PLBD2: variants seen among roughly 807,000 people sequenced by gnomAD.
The protein encoded by PLBD2 is phospholipase B domain containing 2.
In PLBD2, 51 loss-of-function variants were observed where a neutral mutation model predicts 68.3. That is an observed-to-expected ratio of 0.75 (90% confidence interval 0.60 to 0.94). The LOEUF (loss-of-function observed/expected upper bound fraction) is 0.94, where lower values mean the gene tolerates loss of function less well. PLBD2 is among the 40% of genes least tolerant of loss of function. The pLI is 0.00. For missense variants in PLBD2, 729 were observed against 792.2 expected (o/e 0.92, Z 0.96); for synonymous variants, 314 against 339.3 (o/e 0.93, Z 0.82).
intron 5 of PLBD2, 117 bp from the exon 6 acceptor site, chr12:113,380,628 T>C (rs1957479086): frequency 1.3e-6 from 1 of 745,290 alleles, no homozygotes; most frequent in Non-Finnish European, 2.3e-6. Flanking sequence ...AAGGACACAG[T>C]GGGGGCTTCC....
chr12:113,358,886 A>G lies in PLBD2; in HGVS notation c.286A>G (p.Thr96Ala). 1 of 1,523,284 alleles carries G rather than the reference A, an allele frequency of 6.6e-7. No individual in the cohort carries two copies. Among genetic ancestry groups the G allele is most frequent in the Non-Finnish European group, 8.8e-7 (1 of 1,137,694 alleles). 94.4% of individuals were successfully genotyped at this position (1,523,284 alleles called of 1,614,324 possible). A position where few individuals can be genotyped will look rare whatever the true frequency, so the allele number is the denominator to read the frequency against. ...WANLTNAIRE[T>A]GWAFLELGTS... Reference sequence around the variant, plus strand: ...CAACCTCACCAACGCCATCCGCGAGACTGGGTAAGGGTTGGCTTATCCCCA... The same window carrying G: ...CAACCTCACCAACGCCATCCGCGAGGCTGGGTAAGGGTTGGCTTATCCCCA... The change falls in exon 1 of 12, where the codon ACT becomes GCT. Residue 96 changes from threonine (T) to alanine (A), a missense_variant. Coordinates refer to ENST00000280800, the MANE Select transcript of PLBD2 (RefSeq NM_173542.4).
chr12:113,388,440 G>A lies in PLBD2; in HGVS notation c.1603-19G>A, dbSNP rs757579691. 1.0e-5 allele frequency: 16 copies of A among 1,532,790 alleles called. No homozygotes were observed. Among genetic ancestry groups the A allele is most frequent in the East Asian group, 7.2e-5 (3 of 41,412 alleles). The allele number at this position is 1,532,790 out of a possible 1,614,324, so 94.9% of individuals were successfully genotyped here. On this transcript the variant is annotated intron_variant, in intron 11 of 11. Coordinates refer to ENST00000280800, the MANE Select transcript of PLBD2 (RefSeq NM_173542.4). The stretch of plus-strand genomic sequence containing the variant: ...CAGGCCAGGACCCCTGCTCAGCTGC[G>A]GCTCTGCCCTGTCCCCAGGTGACCA...
At chr12:113,385,941 G>A (rs1347950368) in intron 9 of PLBD2, among the ~76,000 whole-genome samples, 1 of 152,150 alleles carries the variant, frequency 6.6e-6, no homozygotes, top group East Asian at 1.9e-4. Flanking sequence ...AGTAGAGACA[G>A]GGTTTCACCA....
chr12:113,380,277 T>C (rs938812278), intron 5 of PLBD2, among the ~76,000 whole-genome samples: 7 of 152,114 alleles, frequency 4.6e-5, no homozygotes, highest in Non-Finnish European at 1.0e-4. Flanking sequence ...GCTGGGACTA[T>C]AGGCGCACGC....
At chr12:113,377,675 C>T (rs990408250) in intron 5 of PLBD2, among the ~76,000 whole-genome samples, 1 of 152,202 alleles carries the variant, frequency 6.6e-6, no homozygotes, top group African/African-American at 2.4e-5. Context: ...ATCCAACCGC[C>T]TGTCCTGATT....
chr12:113,380,456 G>A (rs1957477036), intron 5 of PLBD2, among the ~76,000 whole-genome samples: 1 of 152,122 alleles, frequency 6.6e-6, no homozygotes, highest in Admixed American at 6.5e-5. Flanking sequence ...TTTTAATCAT[G>A]TTTTTTTCCT....
chr12:113,364,388 G>T (rs1957323771), intron 1 of PLBD2, among the ~76,000 whole-genome samples: 1 of 151,980 alleles, frequency 6.6e-6, no homozygotes, highest in Non-Finnish European at 1.5e-5. Context: ...ATCACGAGGG[G>T]ATCTGCATAT....
chr12:113,380,049 G>A (rs1221261548), intron 5 of PLBD2, among the ~76,000 whole-genome samples: 3 of 152,226 alleles, frequency 2.0e-5, no homozygotes, highest in South Asian at 2.1e-4. Context: ...TAGATTACTT[G>A]TAAGACCTAA....
In PLBD2 at chr12:113,374,915, ACCT is replaced by A. The variant is rs1455727580; in HGVS notation, c.771_773del (p.Leu258del). The A allele has an allele frequency of 6.2e-7, 1 of 1,613,938 alleles. No individual in the cohort carries two copies. Among genetic ancestry groups the A allele is most frequent in the Admixed American group, 1.7e-5 (1 of 60,000 alleles). ...ATCAAGCTGCTCCCTGGCCAGAGTG[ACCT>A]CCTGGTTGCCCACAACACCTGGAAC... On this transcript the variant is annotated inframe_deletion, in exon 5 of 12. Transcript: ENST00000280800.
Position 113,388,637 on chromosome 12 carries a change from C to A in PLBD2, c.*11C>A, listed in dbSNP as rs78927955. On this transcript the variant is annotated 3_prime_UTR_variant, in exon 12 of 12. Transcript: ENST00000280800. Reference sequence around the variant, plus strand: ...GTTTCATGGGACTGAAGTTCTGTCCCTGCTCTGCTGCTTTCGCCCCTGCTG... The same window carrying A: ...GTTTCATGGGACTGAAGTTCTGTCCATGCTCTGCTGCTTTCGCCCCTGCTG... 1.3e-6 allele frequency: 2 copies of A among 1,556,252 alleles called. No individual in the cohort carries two copies. The highest frequency in any genetic ancestry group is 1.4e-5 in the African/African-American group (1 of 72,862).
intron 10 of PLBD2, 98 bp from the exon 11 acceptor site, chr12:113,387,646 G>T (rs1174556496): frequency 1.5e-6 from 2 of 1,335,756 alleles, no homozygotes; most frequent in Non-Finnish European, 2.1e-6. Flanking sequence ...CAAGTTGAAG[G>T]CTGGCAGCTG....
At chr12:113,375,048 T>C in intron 5 of PLBD2, 41 bp downstream of exon 5, 1 of 1,591,160 alleles carries the variant, frequency 6.3e-7, no homozygotes, top group Non-Finnish European at 8.6e-7. Context: ...AGCAGGTGGG[T>C]GGGCACACAC....
chr12:113,387,202 A>G, intron 10 of PLBD2, 113 bp downstream of exon 10: 2 of 1,363,340 alleles, frequency 1.5e-6, no homozygotes, highest in South Asian at 3.0e-5. Context: ...CCAGAGGGCC[A>G]GCAGGGGGTG....
rs552000793 is a variant in PLBD2, at chr12:113,367,214, G to A, written c.291-1902G>A. Reference sequence around the variant, plus strand: ...ACCCAATAGAGAAAAATGGATAAAGGACATGAAACAGAGAAATATAAATGA... The same window carrying A: ...ACCCAATAGAGAAAAATGGATAAAGAACATGAAACAGAGAAATATAAATGA... On this transcript the variant is annotated intron_variant, in intron 1 of 11. Transcript: ENST00000280800. Among the ~76,000 whole-genome samples the A allele has an allele frequency of 1.1e-3, 166 of 152,216 alleles. 1 individual carries two copies. Among genetic ancestry groups the A allele is most frequent in the Middle Eastern group, 0.01 (3 of 294 alleles).
At chr12:113,366,863 C>G (rs1957346972) in intron 1 of PLBD2, among the ~76,000 whole-genome samples, 1 of 151,758 alleles carries the variant, frequency 6.6e-6, no homozygotes, top group Non-Finnish European at 1.5e-5. Context: ...GCTCTGTCAC[C>G]CAGGCTGGAG....
chr12:113,376,904 G>A (rs965811394), intron 5 of PLBD2: 1 of 152,252 alleles, frequency 6.6e-6, no homozygotes, highest in Non-Finnish European at 1.5e-5. Flanking sequence ...TCAGCCCCAG[G>A]GATACCACTG....
intron 5 of PLBD2, among the ~76,000 whole-genome samples, chr12:113,379,820 A>T (rs1045461151): frequency 3.5e-4 from 54 of 152,198 alleles, no homozygotes; most frequent in Admixed American, 1.1e-3. Flanking sequence ...CTCAAAAAAA[A>T]AAAATGTCCA....
At chr12:113,365,689 A>G (rs536530780) in intron 1 of PLBD2, among the ~76,000 whole-genome samples, 1 of 152,044 alleles carries the variant, frequency 6.6e-6, no homozygotes, top group Non-Finnish European at 1.5e-5. Flanking sequence ...AATTCCCTGT[A>G]TCAAGGCCCC....
At position 113,387,848 on chromosome 12, in the gene PLBD2, A is replaced by G. The variant is rs927038670; in HGVS notation, c.1544A>G (p.Asn515Ser). Residue 515 changes from asparagine to serine, a missense_variant, in exon 11 of 12, where the codon AAT becomes AGT. Coordinates refer to ENST00000280800, the MANE Select transcript of PLBD2 (RefSeq NM_173542.4). Reference sequence around the variant, plus strand: ...GCCCGCTCCGACCTCAACCCGGCCAATGGCTCCTACCCCTTCCAGGCCCTG... The same window carrying G: ...GCCCGCTCCGACCTCAACCCGGCCAGTGGCTCCTACCCCTTCCAGGCCCTG... ...ISARSDLNPA[N>S]GSYPFQALRQ... is the part of the protein sequence containing the mutation. The G allele has an allele frequency of 9.9e-6, 16 of 1,614,056 alleles. No individual in the cohort carries two copies. The African/African-American group carries it at 1.7e-4, about 18-fold the overall frequency.
Sources: gnomAD v4.1 joint callset for allele counts (sites outside exome capture counted in the v4.1 genomes callset) on GRCh38, gnomAD v4.1.1 for gene constraint, MANE v1.5 for transcripts, NCBI Gene and HGNC (gene_info 2026-07-23, HGNC 2026-07-21) for gene names.